SNX8: variants seen among roughly 807,000 people sequenced by gnomAD.
The protein encoded by SNX8 is sorting nexin 8.
In SNX8, 25 loss-of-function variants were observed where a neutral mutation model predicts 51.6. That is an observed-to-expected ratio of 0.48 (90% CI 0.35 to 0.68). The LOEUF (loss-of-function observed/expected upper bound fraction) is 0.68, where lower values mean the gene tolerates loss of function less well. Among genes scored for constraint, SNX8 ranks in the 30% least tolerant of loss-of-function variants. The probability of loss-of-function intolerance (pLI) is 0.00; values close to 1 mark genes in which losing one functional copy is unlikely to be tolerated. For missense variants in SNX8, 695 were observed against 624.0 expected (o/e 1.11, Z -1.21); for synonymous variants, 324 against 277.0 (o/e 1.17, Z -1.68).
intron 10 of SNX8, among the ~76,000 whole-genome samples, chr7:2,256,496 G>A (rs547706587): frequency 4.7e-4 from 72 of 152,374 alleles, no homozygotes; most frequent in Middle Eastern, 3.4e-3. Context: ...TGCTCTGGAG[G>A]AAGCCGGCCA....
intron 1 of SNX8, among the ~76,000 whole-genome samples, chr7:2,331,822 G>A: frequency 6.6e-6 from 1 of 152,118 alleles, no homozygotes; most frequent in East Asian, 1.9e-4. Context: ...GGAGGTTAAA[G>A]TGAGTCAAGA....
intron 1 of SNX8, among the ~76,000 whole-genome samples, chr7:2,313,732 C>T (rs191877771): frequency 6.6e-4 from 101 of 152,180 alleles, no homozygotes; most frequent in Middle Eastern, 3.4e-3. Context: ...CGTAACTGCA[C>T]GCGCCCGTAG....
chr7:2,264,447 T>TG lies in SNX8; in HGVS notation c.632dup (p.Ala212SerfsTer2). The TG allele has an allele frequency of 6.2e-7, 1 of 1,610,960 alleles. No individual in the cohort carries two copies. On this transcript the variant is annotated frameshift_variant, in exon 6 of 11. Transcript: ENST00000222990. LOFTEE classifies it high-confidence loss of function. ...TGGCAAACTGAGCCTGGATGTCAGC[T>TG]GGGAGGAAGTCCTGACATCATGATG... is the stretch of plus-strand genomic sequence containing the variant.
At chr7:2,334,028 G>A (rs1036831754) in intron 1 of SNX8, among the ~76,000 whole-genome samples, 7 of 152,102 alleles carry the variant, frequency 4.6e-5, no homozygotes, top group Admixed American at 2.0e-4. Flanking sequence ...TCAGCTACTC[G>A]GAAGGCCAAG....
chr7:2,259,759 G>A (rs919084451), intron 7 of SNX8, among the ~76,000 whole-genome samples: 1 of 152,170 alleles, frequency 6.6e-6, no homozygotes, highest in Non-Finnish European at 1.5e-5. Context: ...CCAGGCAGGG[G>A]CTCAGGAGAA....
At chr7:2,351,695 G>C (rs1416269954) in intron 1 of SNX8, among the ~76,000 whole-genome samples, 1 of 151,730 alleles carries the variant, frequency 6.6e-6, no homozygotes, top group Admixed American at 6.6e-5. Context: ...GCCGGGTGTG[G>C]TGGCAGGCGC....
intron 10 of SNX8, among the ~76,000 whole-genome samples, chr7:2,255,987 G>T (rs1795168060): frequency 6.6e-6 from 1 of 152,216 alleles, no homozygotes; most frequent in Admixed American, 6.5e-5. Flanking sequence ...CACAGGGCTG[G>T]AAATTCCTCA....
chr7:2,290,560 A>C (rs554029151), intron 1 of SNX8, among the ~76,000 whole-genome samples: 1 of 152,342 alleles, frequency 6.6e-6, no homozygotes, highest in East Asian at 1.9e-4. Flanking sequence ...TAGATGCTAA[A>C]TAAACATCTG....
At chr7:2,293,694 G>A (rs993473137) in intron 1 of SNX8, among the ~76,000 whole-genome samples, 1 of 151,730 alleles carries the variant, frequency 6.6e-6, no homozygotes, top group Non-Finnish European at 1.5e-5. Context: ...GCCAGGCATG[G>A]TGGCTCACGC....
At chr7:2,256,041 T>C (rs1795169624) in intron 10 of SNX8, among the ~76,000 whole-genome samples, 1 of 152,198 alleles carries the variant, frequency 6.6e-6, no homozygotes, top group Non-Finnish European at 1.5e-5. Context: ...TATGGCATCA[T>C]GCTCCGGGCG....
At chr7:2,324,166 C>T (rs745417887) in intron 1 of SNX8, among the ~76,000 whole-genome samples, 2 of 151,846 alleles carry the variant, frequency 1.3e-5, no homozygotes, top group South Asian at 2.1e-4. Context: ...TCATCCTGGC[C>T]GGGGGCAGTG....
chr7:2,347,756 C>G (rs931721039), intron 1 of SNX8, among the ~76,000 whole-genome samples: 1 of 151,798 alleles, frequency 6.6e-6, no homozygotes, highest in African/African-American at 2.4e-5. Context: ...AGCAATTCTC[C>G]TGTGTCAGCC....
chr7:2,324,396 T>A (rs1778591563), intron 1 of SNX8, among the ~76,000 whole-genome samples: 1 of 150,810 alleles, frequency 6.6e-6, no homozygotes, highest in African/African-American at 2.4e-5. Context: ...GTTCAAACAA[T>A]TCTCCTGCCT....
intron 1 of SNX8, among the ~76,000 whole-genome samples, chr7:2,298,047 A>G (rs1183399774): frequency 6.6e-6 from 1 of 152,084 alleles, no homozygotes; most frequent in Non-Finnish European, 1.5e-5. Flanking sequence ...TTTTTTTAAA[A>G]GAAACACTAA....
intron 1 of SNX8, among the ~76,000 whole-genome samples, chr7:2,348,484 G>A (rs1282821409): frequency 1.3e-5 from 2 of 151,796 alleles, no homozygotes; most frequent in Non-Finnish European, 2.9e-5. Context: ...GGGACTACAG[G>A]CGCCCGCCAC....
chr7:2,344,272 A>G (rs1010064426), intron 1 of SNX8, among the ~76,000 whole-genome samples: 1 of 151,798 alleles, frequency 6.6e-6, no homozygotes, highest in Admixed American at 6.6e-5. Flanking sequence ...GCTTGAGCTC[A>G]GGAGTTCAAG....
At chr7:2,276,214 C>G (rs1357476846) in intron 2 of SNX8, among the ~76,000 whole-genome samples, 2 of 152,184 alleles carry the variant, frequency 1.3e-5, no homozygotes, top group Non-Finnish European at 2.9e-5. Flanking sequence ...GTCTCACACG[C>G]TCAGAGTTGC....
rs769705094 is a variant in SNX8 at position 2,278,239 on chromosome 7, A to G, written c.161T>C (p.Met54Thr). ...CAGCGGGTTCCCCTGCGGCATCTGC[A>G]TTCGACTGGGGGCTGGGACCTGCTG... ...IVQQVPAPSR[M>T]QMPQGNPLLL... Residue 54 changes from methionine to threonine, a missense_variant, in exon 2 of 11, where the codon ATG (methionine) becomes ACG (threonine). Coordinates refer to ENST00000222990, the MANE Select transcript of SNX8 (RefSeq NM_013321.4). 31 of 1,611,292 alleles carry G rather than the reference A, an allele frequency of 1.9e-5. No individual in the cohort carries two copies. The highest frequency in any genetic ancestry group is 2.5e-5 in the Non-Finnish European group (30 of 1,178,122).
chr7:2,339,431 G>A (rs1428860438), intron 1 of SNX8, among the ~76,000 whole-genome samples: 1 of 150,794 alleles, frequency 6.6e-6, no homozygotes, highest in South Asian at 2.1e-4. Context: ...AGATGGTCTC[G>A]ATCTCCTGAC....
Sources: allele counts gnomAD v4.1 joint callset (sites outside exome capture counted in the v4.1 genomes callset), GRCh38; gene constraint gnomAD v4.1.1; transcripts MANE v1.5; gene names NCBI Gene and HGNC (gene_info 2026-07-23, HGNC 2026-07-21).